The following FAM185A variants were observed in gnomAD, a reference collection of about 807,000 sequenced individuals.
FAM185A encodes the protein protein FAM185A.
Under a neutral mutation model 45.7 loss-of-function variants are expected in FAM185A, and 21 were observed. The ratio of observed to expected loss-of-function variants is 0.46; its 90% CI spans 0.33 to 0.66. FAM185A has a LOEUF of 0.66. FAM185A is among the 30% of genes least tolerant of loss of function. The pLI, the probability that FAM185A is intolerant of heterozygous loss-of-function variation, is 0.03. For synonymous variants in FAM185A, 117 were observed against 194.0 expected (o/e 0.60, Z 3.30); for missense variants, 305 against 485.4 (o/e 0.63, Z 3.49).
At chr7:102,817,056 C>A in the FAM185A span, among the ~76,000 whole-genome samples, 2 of 152,198 alleles carry the variant, frequency 1.3e-5, no homozygotes, top group African/African-American at 4.8e-5. Context: ...GTGAATGATG[C>A]TGCAATAAAC....
chr7:102,834,473 A>ATATATATATATATATGTG, the FAM185A span: 33 of 141,540 alleles, frequency 2.3e-4, 2 homozygotes, highest in East Asian at 2.6e-3. Context: ...ATATATATAT[A>ATATATATATATATATGTG]TGTGATGTGG....
chr7:102,786,946 T>C (rs1358740689), intron 6 of FAM185A, among the ~76,000 whole-genome samples: 2 of 152,148 alleles, frequency 1.3e-5, no homozygotes, highest in Non-Finnish European at 2.9e-5. Context: ...TAATACCTCA[T>C]AAAGTTAATA....
At chr7:102,769,929 G>T (rs1025518161) in intron 4 of FAM185A, among the ~76,000 whole-genome samples, 1 of 151,978 alleles carries the variant, frequency 6.6e-6, no homozygotes, top group Non-Finnish European at 1.5e-5. Flanking sequence ...CATGAGGGTA[G>T]AGCCCTCATG....
At chr7:102,765,121 T>G (rs1404530355) in intron 4 of FAM185A, among the ~76,000 whole-genome samples, 1 of 152,182 alleles carries the variant, frequency 6.6e-6, no homozygotes, top group African/African-American at 2.4e-5. Context: ...TCCTAGTTTC[T>G]TGGCTTTCTA....
chr7:102,782,004 G>C (rs1006734788), intron 6 of FAM185A, among the ~76,000 whole-genome samples: 1 of 152,172 alleles, frequency 6.6e-6, no homozygotes, highest in African/African-American at 2.4e-5. Flanking sequence ...ACTATGTGAC[G>C]AATGCACAAG....
intron 5 of FAM185A, among the ~76,000 whole-genome samples, chr7:102,774,510 C>CTAATA (rs1444631810): frequency 4.0e-5 from 6 of 151,822 alleles, no homozygotes; most frequent in Non-Finnish European, 8.8e-5. Context: ...GATCCCTATC[C>CTAATA]TTGTCCCCAA....
the FAM185A span, among the ~76,000 whole-genome samples, chr7:102,847,781 G>A: frequency 6.6e-6 from 1 of 152,038 alleles, no homozygotes; most frequent in African/African-American, 2.4e-5. Context: ...CACCCACCTC[G>A]GCCTCCCAAA....
chr7:102,843,934 T>TA, the FAM185A span, among the ~76,000 whole-genome samples: 2 of 152,204 alleles, frequency 1.3e-5, no homozygotes, highest in African/African-American at 4.8e-5. Flanking sequence ...CGAAGTCAGA[T>TA]ACCTAAGTGA....
Position 102,751,724 on chromosome 7 carries a change from G to A in FAM185A, c.484G>A (p.Val162Ile). The A allele has an allele frequency of 6.4e-7, 1 of 1,551,404 alleles. No individual in the cohort carries two copies. Among genetic ancestry groups the A allele is most frequent in the Non-Finnish European group, 8.7e-7 (1 of 1,146,746 alleles). Residue 162 changes from valine to isoleucine, a missense_variant, in exon 2 of 8, where the codon GTA becomes ATA. Val to Ile is a conservative substitution (Grantham distance 29). Transcript: ENST00000413034. ...LDIKSSGSGC[V>I]KVQSIEGDNC... ...TATCAAGTCATCAGGGTCTGGCTGT[G>A]TAAAAGTTCAAAGTATTGAGGGTGA...
At chr7:102,760,870 TA>T (rs1794071691) in intron 3 of FAM185A, among the ~76,000 whole-genome samples, 1 of 152,186 alleles carries the variant, frequency 6.6e-6, no homozygotes, top group Non-Finnish European at 1.5e-5. Flanking sequence ...GATAAATTAT[TA>T]GGATTAGTGA....
chr7:102,797,686 G>C (rs1188038774), intron 7 of FAM185A, among the ~76,000 whole-genome samples: 1 of 152,090 alleles, frequency 6.6e-6, no homozygotes, highest in Admixed American at 6.6e-5. Flanking sequence ...CACATCTTTT[G>C]AACCTCCCTA....
chr7:102,810,097 G>A (rs1350427125), downstream of FAM185A, among the ~76,000 whole-genome samples: 1 of 152,164 alleles, frequency 6.6e-6, no homozygotes, highest in East Asian at 1.9e-4. Context: ...ACAGCCTGCA[G>A]AACCAATTAA....
chr7:102,807,339 A>G (rs149963975), intron 7 of FAM185A, among the ~76,000 whole-genome samples: 1 of 152,308 alleles, frequency 6.6e-6, no homozygotes, highest in East Asian at 1.9e-4. Flanking sequence ...TACATTGTAT[A>G]CTTTAAGTAC....
chr7:102,763,638 G>A (rs1332537541), intron 4 of FAM185A, among the ~76,000 whole-genome samples: 1 of 152,182 alleles, frequency 6.6e-6, no homozygotes, highest in Admixed American at 6.5e-5. Context: ...GCCCCAGGAA[G>A]GAGTATGATC....
At chr7:102,786,874 G>T (rs1400832877) in intron 6 of FAM185A, among the ~76,000 whole-genome samples, 3 of 151,682 alleles carry the variant, frequency 2.0e-5, no homozygotes, top group Non-Finnish European at 4.4e-5. Flanking sequence ...CTGAGTCTAG[G>T]TTCCAGCACG....
chr7:102,781,660 G>A (rs1562863497), intron 6 of FAM185A, among the ~76,000 whole-genome samples: 1 of 152,114 alleles, frequency 6.6e-6, no homozygotes, highest in Admixed American at 6.5e-5. Context: ...CCATCTGTAC[G>A]TCACCATCAT....
At chr7:102,831,446 G>C in the FAM185A span, among the ~76,000 whole-genome samples, 3 of 150,266 alleles carry the variant, frequency 2.0e-5, no homozygotes, top group African/African-American at 7.5e-5. Context: ...ACTACAGAGA[G>C]TTATCTTGTC....
chr7:102,788,513 CT>C (rs528683086), intron 7 of FAM185A, among the ~76,000 whole-genome samples: 364 of 152,208 alleles, frequency 2.4e-3, no homozygotes, highest in Non-Finnish European at 4.2e-3. Flanking sequence ...AGAAAGTTGT[CT>C]GTTAAAATTC....
At chr7:102,793,932 G>A (rs1445939811) in intron 7 of FAM185A, among the ~76,000 whole-genome samples, 6 of 151,070 alleles carry the variant, frequency 4.0e-5, no homozygotes, top group African/African-American at 9.7e-5. Flanking sequence ...CCAGCTACTC[G>A]GGAGGCTAAG....
Sources: gnomAD v4.1 joint callset for allele counts (sites outside exome capture counted in the v4.1 genomes callset) on GRCh38, gnomAD v4.1.1 for gene constraint, MANE v1.5 for transcripts, NCBI Gene and HGNC (gene_info 2026-07-23, HGNC 2026-07-21) for gene names.